SEMA5B: variants seen among roughly 807,000 people sequenced by gnomAD.
The protein encoded by SEMA5B is semaphorin-5B.
Under a neutral mutation model 135.0 loss-of-function variants are expected in SEMA5B, and 66 were observed. That is an observed-to-expected ratio of 0.49 (90% CI 0.40 to 0.60). The LOEUF is 0.60. Ranked by LOEUF, SEMA5B falls within the 20% of genes least tolerant of loss-of-function variation. The pLI is 0.00. For missense variants in SEMA5B, 1,501 were observed against 1,566.3 expected, an observed-to-expected ratio of 0.96 and a Z score of 0.70; for synonymous variants, 690 against 639.5, an observed-to-expected ratio of 1.08 and a Z score of -1.19.
Position 122,928,613 on chromosome 3 carries a change from C to G in SEMA5B, c.540G>C (p.Glu180Asp). The G allele has an allele frequency of 1.3e-6, 2 of 1,553,552 alleles. No homozygotes were observed. The highest frequency in any genetic ancestry group is 4.9e-5 in the East Asian group (2 of 41,178). ...GGACTCGCACGTAGTTCTGACACTCCTCCTGAGGCAGGAAGGAAAGGAGCA... is the reference window on the plus strand; with the variant it reads ...GGACTCGCACGTAGTTCTGACACTCGTCCTGAGGCAGGAAGGAAAGGAGCA... ...RSCQSKGKTE[E>D]ECQNYVRVLI... Residue 180 changes from glutamate (E) to aspartate (D), a missense_variant and splice_region_variant, in exon 7 of 23, where the codon GAG (glutamate) becomes GAC (aspartate). By Grantham distance (45) the Glu-to-Asp change is conservative. Transcript: ENST00000357599.
intron 1 of SEMA5B, among the ~76,000 whole-genome samples, chr3:123,007,280 C>G (rs57170079): frequency 0.069 from 10,482 of 152,166 alleles, 1,054 homozygotes; most frequent in African/African-American, 0.22. Flanking sequence ...GGGACTACCT[C>G]TAACATACAC....
At chr3:122,943,990 G>A (rs114639491) in intron 3 of SEMA5B, among the ~76,000 whole-genome samples, 3,842 of 152,142 alleles carry the variant, frequency 0.025, 89 homozygotes, top group Non-Finnish European at 0.042. Flanking sequence ...CCTGCCCCTC[G>A]AGTCCTTTTC....
intron 1 of SEMA5B, among the ~76,000 whole-genome samples, chr3:122,973,501 G>T (rs889370503): frequency 6.6e-6 from 1 of 152,198 alleles, no homozygotes. Flanking sequence ...AGTGAGGAGG[G>T]GTGGAACGTC....
At chr3:122,974,209 A>G (rs1482365393) in intron 1 of SEMA5B, among the ~76,000 whole-genome samples, 3 of 152,218 alleles carry the variant, frequency 2.0e-5, no homozygotes, top group South Asian at 4.1e-4. Flanking sequence ...AAGGACCAGC[A>G]CAAACCCACT....
intron 1 of SEMA5B, among the ~76,000 whole-genome samples, chr3:122,970,473 G>T (rs1453914561): frequency 1.3e-5 from 2 of 152,184 alleles, no homozygotes; most frequent in Non-Finnish European, 2.9e-5. Flanking sequence ...GATGCTTACG[G>T]TCTAGGGACC....
intron 1 of SEMA5B, among the ~76,000 whole-genome samples, chr3:123,000,316 G>T (rs1468500499): frequency 6.6e-6 from 1 of 152,216 alleles, no homozygotes; most frequent in Non-Finnish European, 1.5e-5. Context: ...ATGGGGAGCA[G>T]GTCCCAGAGG....
chr3:122,998,005 G>A (rs981768977), intron 1 of SEMA5B, among the ~76,000 whole-genome samples: 3 of 152,178 alleles, frequency 2.0e-5, no homozygotes, highest in Non-Finnish European at 4.4e-5. Context: ...AACACTGCCC[G>A]ACGACCGCCA....
chr3:122,982,938 G>C (rs1242822756), intron 1 of SEMA5B, among the ~76,000 whole-genome samples: 3 of 152,162 alleles, frequency 2.0e-5, no homozygotes, highest in South Asian at 2.1e-4. Flanking sequence ...TCTCTCTTTC[G>C]AGAGTCACTC....
intron 4 of SEMA5B, among the ~76,000 whole-genome samples, chr3:122,940,384 T>C (rs1939500130): frequency 6.6e-6 from 1 of 152,180 alleles, no homozygotes; most frequent in Non-Finnish European, 1.5e-5. Context: ...TGGCTATCTT[T>C]CTTATTTCAC....
At chr3:123,027,339 C>T (rs1409509591) in intron 1 of SEMA5B, 125 bp downstream of exon 1, 1 of 152,356 alleles carries the variant, frequency 6.6e-6, no homozygotes, top group Non-Finnish European at 1.5e-5. Context: ...CCTCACCTAC[C>T]TGGCTTCAAC....
chr3:122,988,620 G>C (rs754846869), intron 1 of SEMA5B, among the ~76,000 whole-genome samples: 1 of 152,224 alleles, frequency 6.6e-6, no homozygotes, highest in Non-Finnish European at 1.5e-5. Flanking sequence ...AGATTAACAA[G>C]CCTCTCTAGG....
intron 1 of SEMA5B, among the ~76,000 whole-genome samples, chr3:123,017,057 A>C (rs966563961): frequency 2.0e-5 from 3 of 151,716 alleles, no homozygotes; most frequent in Non-Finnish European, 4.4e-5. Flanking sequence ...ACGCCCGGCT[A>C]ATTTTTTGTA....
intron 5 of SEMA5B, among the ~76,000 whole-genome samples, chr3:122,929,782 T>A (rs1938862658): frequency 6.6e-6 from 1 of 152,160 alleles, no homozygotes; most frequent in African/African-American, 2.4e-5. Flanking sequence ...GGGTAATGTG[T>A]CTGGGGACAC....
Position 122,913,988 on chromosome 3 carries a change from T to C in SEMA5B, c.2002A>G (p.Thr668Ala). 1 of 1,597,022 alleles carries C rather than the reference T, an allele frequency of 6.3e-7. No homozygotes were observed. The highest frequency in any genetic ancestry group is 8.5e-7 in the Non-Finnish European group (1 of 1,171,696). The change falls in exon 15 of 23, where the codon ACC becomes GCC. Residue 668 changes from threonine (T) to alanine (A), a missense_variant. Thr to Ala is a moderately conservative substitution (Grantham distance 58). This residue lies in a region of SEMA5B where 927 missense variants were observed against 881.6 expected (regional missense o/e 1.05). Transcript: ENST00000357599. ...CACAGCGCCCACGATGACCACGGGG[T>C]CCACGCCCCATTCCTGGCGGGGTGG... ...IANCSRNGAW[T>A]PWSSWALCST...
At position 122,913,068 on chromosome 3, in the gene SEMA5B, A is replaced by T. The variant is rs549889174; in HGVS notation, c.2507-7T>A. 1 of 1,495,868 alleles carries T rather than the reference A, an allele frequency of 6.7e-7. No homozygotes were observed. The highest frequency in any genetic ancestry group is 8.9e-7 in the Non-Finnish European group (1 of 1,124,846). 92.7% of individuals were successfully genotyped at this position (1,495,868 alleles called of 1,614,324 possible). On this transcript the variant is annotated splice_region_variant and splice_polypyrimidine_tract_variant and intron_variant, in intron 17 of 22. Coordinates refer to ENST00000357599, the MANE Select transcript of SEMA5B (RefSeq NM_001031702.4). ...AGGAGGACCTCCACCAGGGCTGCGG[A>T]GGGGCTAGGCCTCAGCGACTGGGCG...
At chr3:122,923,230 T>C (rs1345730574) in intron 10 of SEMA5B, among the ~76,000 whole-genome samples, 1 of 152,190 alleles carries the variant, frequency 6.6e-6, no homozygotes, top group African/African-American at 2.4e-5. Flanking sequence ...CACTGACCAC[T>C]TCCAGGAATT....
intron 2 of SEMA5B, among the ~76,000 whole-genome samples, chr3:122,959,268 G>C (rs956757882): frequency 6.6e-6 from 1 of 152,162 alleles, no homozygotes; most frequent in Non-Finnish European, 1.5e-5. Context: ...TCGTGGATGG[G>C]AAAACTGAGG....
chr3:122,925,529 A>C (rs1229993329), intron 9 of SEMA5B, among the ~76,000 whole-genome samples: 1 of 151,964 alleles, frequency 6.6e-6, no homozygotes, highest in Non-Finnish European at 1.5e-5. Flanking sequence ...TTAGCCAGGC[A>C]TGGTGCCACG....
At chr3:122,974,370 A>G (rs1941237683) in intron 1 of SEMA5B, among the ~76,000 whole-genome samples, 1 of 152,238 alleles carries the variant, frequency 6.6e-6, no homozygotes, top group Non-Finnish European at 1.5e-5. Context: ...TGCCCCAGAC[A>G]TAGGAATGTG....
Sources: allele counts gnomAD v4.1 joint callset (sites outside exome capture counted in the v4.1 genomes callset), GRCh38; gene constraint gnomAD v4.1.1; regional missense constraint gnomAD v4.1.1; transcripts MANE v1.5; gene names NCBI Gene and HGNC (gene_info 2026-07-23, HGNC 2026-07-21).